Variants in UGGT2 observed in about 807,000 individuals in gnomAD.
The protein encoded by UGGT2 is UDP-glucose:glycoprotein glucosyltransferase 2.
A neutral mutation model predicts 192.1 loss-of-function variants in UGGT2; 180 were observed. The observed-to-expected ratio is 0.94, with a 90% CI of 0.83 to 1.06. UGGT2 has a LOEUF of 1.06. Ranked by LOEUF, UGGT2 falls within the 50% of genes least tolerant of loss-of-function variation. The pLI is 0.00. For synonymous variants in UGGT2, 580 were observed against 591.0 expected, an observed-to-expected ratio of 0.98 and a Z score of 0.27; for missense variants, 1,849 against 1,795.7, an observed-to-expected ratio of 1.03 and a Z score of -0.54.
At chr13:95,812,990 A>C (rs573276513) in intron 38 of UGGT2, among the ~76,000 whole-genome samples, 1 of 152,310 alleles carries the variant, frequency 6.6e-6, no homozygotes, top group African/African-American at 2.4e-5. Flanking sequence ...CCAGAACCCA[A>C]GTGATGTTGG....
intron 38 of UGGT2, among the ~76,000 whole-genome samples, chr13:95,812,872 G>A (rs1157902042): frequency 2.6e-5 from 4 of 152,118 alleles, no homozygotes; most frequent in Non-Finnish European, 1.5e-5. Flanking sequence ...TAGTGAAAAT[G>A]TTCTAAAGCT....
chr13:95,854,488 A>T lies in UGGT2; in HGVS notation c.4009-13T>A. 1 of 1,591,646 alleles carries T rather than the reference A, an allele frequency of 6.3e-7. No individual in the cohort carries two copies. The highest frequency in any genetic ancestry group is 8.5e-7 in the Non-Finnish European group (1 of 1,170,492). On this transcript the variant is annotated splice_polypyrimidine_tract_variant and intron_variant, in intron 34 of 38. Coordinates refer to ENST00000376747, the MANE Select transcript of UGGT2 (RefSeq NM_020121.4). ...CATGTCTCACAATCTAAATAATTAA[A>T]ATAGACTGTCTGATAAAGACTGTAA...
intron 15 of UGGT2, among the ~76,000 whole-genome samples, chr13:95,940,499 G>A (rs2140533678): frequency 6.9e-6 from 1 of 145,370 alleles, no homozygotes; most frequent in East Asian, 2.0e-4. Context: ...CATTGACTAG[G>A]CTGGAATGCA....
intron 32 of UGGT2, among the ~76,000 whole-genome samples, chr13:95,860,469 A>G (rs1382234015): frequency 6.7e-6 from 1 of 150,294 alleles, no homozygotes; most frequent in African/African-American, 2.4e-5. Flanking sequence ...ATTTATATAT[A>G]CTTACCTCAT....
intron 1 of UGGT2, among the ~76,000 whole-genome samples, chr13:96,043,294 G>A (rs1459641224): frequency 6.6e-6 from 1 of 152,136 alleles, no homozygotes; most frequent in Non-Finnish European, 1.5e-5. Flanking sequence ...GAAAGATACA[G>A]TCTTTTCCAG....
intron 5 of UGGT2, among the ~76,000 whole-genome samples, chr13:96,004,608 G>A (rs910244565): frequency 1.3e-5 from 2 of 151,920 alleles, no homozygotes; most frequent in African/African-American, 4.8e-5. Flanking sequence ...GTATACATGT[G>A]CCATGCTGGT....
intron 20 of UGGT2, 123 bp downstream of exon 20, chr13:95,925,557 T>A (rs887872508): frequency 7.5e-6 from 5 of 663,980 alleles, no homozygotes; most frequent in Non-Finnish European, 1.2e-5. Flanking sequence ...TAAATCTGAA[T>A]TCCTTCGTCT....
chr13:95,837,128 C>T lies in UGGT2; in HGVS notation c.4359G>A (p.Trp1453Ter), dbSNP rs1887376436. ...LPQDWLWCET[W>*]CDDESKQRAK... The stretch of plus-strand genomic sequence containing the variant: ...CTCTTTGTTTGGATTCATCATCACA[C>T]CAGGTTTCACACCACAGCCAGTCTT... The change falls in exon 37 of 39, where the codon TGG (tryptophan) becomes TGA (stop). Residue 1453 changes from tryptophan (W) to a stop codon, truncating the protein, a stop_gained. Coordinates refer to ENST00000376747, the MANE Select transcript of UGGT2 (RefSeq NM_020121.4). LOFTEE classifies it high-confidence loss of function. 2.5e-6 allele frequency: 4 copies of T among 1,613,948 alleles called. No individual in the cohort carries two copies. In the South Asian group the frequency reaches 3.3e-5, roughly 13 times the overall value.
At chr13:96,030,252 T>A (rs1396357855) in intron 2 of UGGT2, among the ~76,000 whole-genome samples, 1 of 152,196 alleles carries the variant, frequency 6.6e-6, no homozygotes, top group Admixed American at 6.5e-5. Context: ...CTCTTTTATG[T>A]GTTTTCATGT....
chr13:95,873,779 G>A (rs935114600), intron 29 of UGGT2, among the ~76,000 whole-genome samples: 6 of 152,190 alleles, frequency 3.9e-5, no homozygotes, highest in African/African-American at 1.4e-4. Context: ...TCTCGAGGAT[G>A]CTGGGGAGAA....
chr13:96,030,721 G>T (rs2052807809), intron 2 of UGGT2, among the ~76,000 whole-genome samples: 1 of 152,150 alleles, frequency 6.6e-6, no homozygotes, highest in Non-Finnish European at 1.5e-5. Context: ...ACTCTTAAGG[G>T]ATTCCATGCT....
At chr13:95,964,488 C>A (rs1432690325) in intron 12 of UGGT2, among the ~76,000 whole-genome samples, 2 of 151,534 alleles carry the variant, frequency 1.3e-5, no homozygotes, top group Non-Finnish European at 2.9e-5. Context: ...TTCTGCACAG[C>A]AAAGGAAAAA....
chr13:95,907,931 T>G (rs1411261031), intron 20 of UGGT2, among the ~76,000 whole-genome samples: 1 of 152,196 alleles, frequency 6.6e-6, no homozygotes, highest in Non-Finnish European at 1.5e-5. Context: ...TTCAGAAGGT[T>G]GGTAATAACA....
chr13:95,815,450 GCAAC>G (rs996796496), intron 38 of UGGT2, among the ~76,000 whole-genome samples: 1 of 152,200 alleles, frequency 6.6e-6, no homozygotes. Flanking sequence ...CTATGTATTA[GCAAC>G]CAACAAGAAA....
rs773212789 is a variant in UGGT2 at position 96,013,533 on chromosome 13, T to C, written c.486-52A>G. On this transcript the variant is annotated intron_variant, in intron 4 of 38. Coordinates refer to ENST00000376747, the MANE Select transcript of UGGT2 (RefSeq NM_020121.4). ...TTGAAAAAACTGAAAGTTAATGGCA[T>C]ATCAATTCTGTATAATTACTGCTTA... The C allele has an allele frequency of 6.2e-6, 8 of 1,291,156 alleles. No individual in the cohort carries two copies. In the Admixed American group the frequency reaches 2.3e-4, roughly 38 times the overall value. 80.0% of individuals were successfully genotyped at this position (1,291,156 alleles called of 1,614,324 possible). A position where few individuals can be genotyped will look rare whatever the true frequency, so the allele number is the denominator to read the frequency against.
At chr13:95,944,426 A>C (rs2049796109) in intron 15 of UGGT2, among the ~76,000 whole-genome samples, 1 of 152,056 alleles carries the variant, frequency 6.6e-6, no homozygotes. Context: ...GGGTATATGA[A>C]TCTGAATCTG....
At chr13:95,970,088 A>G (rs773512459) in intron 12 of UGGT2, 24 bp downstream of exon 12, 1 of 1,588,832 alleles carries the variant, frequency 6.3e-7, no homozygotes, top group South Asian at 1.1e-5. Flanking sequence ...AGGTTTTAGA[A>G]CAAGGAATAG....
chr13:95,871,147 T>C (rs757465045), intron 29 of UGGT2, among the ~76,000 whole-genome samples: 4 of 152,244 alleles, frequency 2.6e-5, no homozygotes, highest in Non-Finnish European at 5.9e-5. Flanking sequence ...TTAAAATTTA[T>C]ATTTAACTAA....
rs1325542488 is a variant in UGGT2, at chr13:95,949,474, C to G, written c.1336-20G>C. On this transcript the variant is annotated intron_variant, in intron 12 of 38. Coordinates refer to ENST00000376747, the MANE Select transcript of UGGT2 (RefSeq NM_020121.4). ...AATCCACTAGAAAAGAACGCAGACA[C>G]TTGTGAAAGCTATATTAACACTGAA... 2 of 1,437,358 alleles carry G rather than the reference C, an allele frequency of 1.4e-6. No homozygotes were observed. The highest frequency in any genetic ancestry group is 2.9e-5 in the African/African-American group (2 of 69,472). 89.0% of individuals were successfully genotyped at this position (1,437,358 alleles called of 1,614,324 possible).
Sources: gnomAD v4.1 joint callset for allele counts (sites outside exome capture counted in the v4.1 genomes callset) on GRCh38, gnomAD v4.1.1 for gene constraint, MANE v1.5 for transcripts, NCBI Gene and HGNC (gene_info 2026-07-23, HGNC 2026-07-21) for gene names.